SGCZ: variants seen among roughly 807,000 people sequenced by gnomAD.
SGCZ encodes the protein sarcoglycan zeta.
A neutral mutation model predicts 41.3 loss-of-function variants in SGCZ; 40 were observed. The ratio of observed to expected loss-of-function variants is 0.97; its 90% CI spans 0.75 to 1.26. SGCZ has a LOEUF of 1.26. SGCZ is among the 50% of genes most tolerant of loss of function. SGCZ has a pLI of 0.00. For synonymous variants in SGCZ, 206 were observed against 137.5 expected (o/e 1.50, Z -3.49); for missense variants, 552 against 369.8 (o/e 1.49, Z -4.04).
At chr8:14,330,802 G>C (rs1379357570) in intron 2 of SGCZ, among the ~76,000 whole-genome samples, 1 of 151,620 alleles carries the variant, frequency 6.6e-6, no homozygotes, top group African/African-American at 2.4e-5. Context: ...TGAGCATTTT[G>C]GCATGAAATT....
intron 2 of SGCZ, among the ~76,000 whole-genome samples, chr8:14,483,345 G>A (rs530481653): frequency 6.6e-6 from 1 of 152,326 alleles, no homozygotes; most frequent in South Asian, 2.1e-4. Flanking sequence ...ATAGGCAGGA[G>A]GATGGCTTGA....
At chr8:14,278,540 C>T (rs1285189546) in intron 3 of SGCZ, among the ~76,000 whole-genome samples, 4 of 151,778 alleles carry the variant, frequency 2.6e-5, no homozygotes, top group African/African-American at 7.3e-5. Context: ...AAAGTTATAG[C>T]GAAACTCATT....
chr8:15,021,002 A>G (rs983214494), intron 1 of SGCZ, among the ~76,000 whole-genome samples: 50 of 152,218 alleles, frequency 3.3e-4, no homozygotes, highest in Non-Finnish European at 7.3e-5. Flanking sequence ...TTTTGCTAAA[A>G]GAGACATTTA....
At chr8:14,306,076 C>T (rs1352008030) in intron 3 of SGCZ, among the ~76,000 whole-genome samples, 1 of 152,086 alleles carries the variant, frequency 6.6e-6, no homozygotes, top group African/African-American at 2.4e-5. Context: ...AAAATGAATC[C>T]TTGTGGTTTT....
At chr8:14,688,850 A>G (rs1043852638) in intron 1 of SGCZ, among the ~76,000 whole-genome samples, 1 of 152,144 alleles carries the variant, frequency 6.6e-6, no homozygotes, top group Non-Finnish European at 1.5e-5. Context: ...ACATGATTGT[A>G]TATCTAGAAA....
At chr8:14,177,756 C>T (rs1333128157) in intron 4 of SGCZ, among the ~76,000 whole-genome samples, 5 of 148,230 alleles carry the variant, frequency 3.4e-5, no homozygotes, top group Admixed American at 6.8e-5. Context: ...GATCTCCTGA[C>T]CTCGTGATCC....
At chr8:14,579,346 C>T (rs17119844) in intron 1 of SGCZ, among the ~76,000 whole-genome samples, 4,089 of 152,164 alleles carry the variant, frequency 0.027, 190 homozygotes, top group African/African-American at 0.093. Context: ...AAAACAGAAA[C>T]CTTAATCAGA....
At chr8:15,111,085 T>G (rs1477336062) in intron 1 of SGCZ, among the ~76,000 whole-genome samples, 2 of 152,158 alleles carry the variant, frequency 1.3e-5, no homozygotes, top group Non-Finnish European at 2.9e-5. Context: ...CAATTCACGC[T>G]TATTTCATAA....
chr8:14,775,004 T>A (rs1800357499), intron 1 of SGCZ, among the ~76,000 whole-genome samples: 1 of 152,126 alleles, frequency 6.6e-6, no homozygotes, highest in Non-Finnish European at 1.5e-5. Context: ...AAAAAATGCT[T>A]GTATGGAAAA....
chr8:14,630,633 A>T (rs925589158), intron 1 of SGCZ, among the ~76,000 whole-genome samples: 9 of 152,156 alleles, frequency 5.9e-5, no homozygotes, highest in African/African-American at 1.9e-4. Context: ...AAATGTCCAA[A>T]AATGATAGAC....
intron 1 of SGCZ, among the ~76,000 whole-genome samples, chr8:15,161,220 T>C (rs1405443939): frequency 6.6e-6 from 1 of 152,076 alleles, no homozygotes; most frequent in Non-Finnish European, 1.5e-5. Flanking sequence ...CATTACATCA[T>C]GGACTTTAAA....
intron 1 of SGCZ, among the ~76,000 whole-genome samples, chr8:15,082,928 T>A (rs1805806955): frequency 6.6e-6 from 1 of 152,060 alleles, no homozygotes; most frequent in Non-Finnish European, 1.5e-5. Context: ...TTTCTAGCAT[T>A]TTTTTTTCTA....
intron 1 of SGCZ, among the ~76,000 whole-genome samples, chr8:15,031,840 C>T (rs542905756): frequency 1.4e-4 from 21 of 151,716 alleles, no homozygotes; most frequent in African/African-American, 4.4e-4. Context: ...ACGTTGCAGT[C>T]GGCCAGCGCT....
chr8:15,123,668 C>G (rs1462569945), intron 1 of SGCZ, among the ~76,000 whole-genome samples: 2 of 152,124 alleles, frequency 1.3e-5, no homozygotes, highest in Non-Finnish European at 2.9e-5. Flanking sequence ...TTACTAAGTA[C>G]CTTCTAAGTG....
chr8:14,789,524 G>C (rs575853588), intron 1 of SGCZ, among the ~76,000 whole-genome samples: 10 of 151,836 alleles, frequency 6.6e-5, no homozygotes, highest in African/African-American at 2.4e-4. Flanking sequence ...CAAAATATAT[G>C]AGTTTACAAT....
intron 1 of SGCZ, among the ~76,000 whole-genome samples, chr8:14,888,860 T>A (rs1430885913): frequency 2.0e-5 from 3 of 152,174 alleles, no homozygotes; most frequent in Admixed American, 6.5e-5. Flanking sequence ...CAGGTTGTAA[T>A]AAATATGGCT....
intron 1 of SGCZ, among the ~76,000 whole-genome samples, chr8:15,162,918 T>A (rs1799556097): frequency 6.6e-6 from 1 of 151,970 alleles, no homozygotes; most frequent in South Asian, 2.1e-4. Context: ...ATAGGGAAAA[T>A]GAAGATGAAA....
At chr8:15,046,679 C>A (rs2130986731) in intron 1 of SGCZ, among the ~76,000 whole-genome samples, 1 of 152,102 alleles carries the variant, frequency 6.6e-6, no homozygotes. Context: ...TAGATGTGCT[C>A]ATTGTTACTG....
intron 1 of SGCZ, among the ~76,000 whole-genome samples, chr8:15,170,460 G>C (rs1188230387): frequency 6.6e-6 from 1 of 152,180 alleles, no homozygotes; most frequent in Non-Finnish European, 1.5e-5. Flanking sequence ...CCTGCTTAGA[G>C]ACCAGCTTTC....
Sources: allele counts gnomAD v4.1 joint callset (sites outside exome capture counted in the v4.1 genomes callset), GRCh38; gene constraint gnomAD v4.1.1; transcripts MANE v1.5; gene names NCBI Gene and HGNC (gene_info 2026-07-23, HGNC 2026-07-21).